Variants in RABGAP1L observed in about 807,000 individuals in gnomAD.
RABGAP1L encodes the protein RAB GTPase activating protein 1 like, also known as rab GTPase-activating protein 1-like.
Under a neutral mutation model 137.7 loss-of-function variants are expected in RABGAP1L, and 63 were observed. The ratio of observed to expected loss-of-function variants is 0.46; its 90% CI spans 0.37 to 0.56. The LOEUF (loss-of-function observed/expected upper bound fraction) is 0.56, where lower values mean the gene tolerates loss of function less well. Ranked by LOEUF, RABGAP1L falls within the 20% of genes least tolerant of loss-of-function variation. The probability of loss-of-function intolerance (pLI) is 0.00; values close to 1 mark genes in which losing one functional copy is unlikely to be tolerated. For missense variants in RABGAP1L, 1,095 were observed against 1,244.0 expected, an observed-to-expected ratio of 0.88 and a Z score of 1.80; for synonymous variants, 431 against 433.7, an observed-to-expected ratio of 0.99 and a Z score of 0.08.
intron 13 of RABGAP1L, among the ~76,000 whole-genome samples, chr1:174,451,347 T>C (rs775102717): frequency 6.6e-6 from 1 of 152,224 alleles, no homozygotes; most frequent in Non-Finnish European, 1.5e-5. Flanking sequence ...GTGGATTCTG[T>C]GTACAGAAAG....
At chr1:174,969,973 C>G (rs1302336062) in intron 21 of RABGAP1L, among the ~76,000 whole-genome samples, 1 of 152,072 alleles carries the variant, frequency 6.6e-6, no homozygotes, top group Non-Finnish European at 1.5e-5. Context: ...TAAAACACTT[C>G]GATAGTATGT....
At chr1:174,349,881 T>C (rs1288108472) in intron 11 of RABGAP1L, among the ~76,000 whole-genome samples, 49 of 103,436 alleles carry the variant, frequency 4.7e-4, no homozygotes, top group Admixed American at 5.8e-4. Flanking sequence ...ACCTCCCTCC[T>C]GGATGGGGCG....
intron 3 of RABGAP1L, among the ~76,000 whole-genome samples, chr1:174,227,514 T>C (rs1458433620): frequency 2.6e-5 from 4 of 152,112 alleles, no homozygotes; most frequent in Non-Finnish European, 5.9e-5. Flanking sequence ...CATTTACCTT[T>C]GATGTAATTT....
At chr1:174,877,381 C>T (rs776171972) in intron 19 of RABGAP1L, 2 of 1,552,534 alleles carry the variant, frequency 1.3e-6, no homozygotes, top group East Asian at 2.4e-5. Context: ...ACTCCACCCC[C>T]TCGAACTCAG....
At chr1:174,178,628 T>C (rs921384803) in intron 1 of RABGAP1L, among the ~76,000 whole-genome samples, 1 of 152,168 alleles carries the variant, frequency 6.6e-6, no homozygotes, top group Non-Finnish European at 1.5e-5. Context: ...GTGGCACATA[T>C]ACACCATGGA....
chr1:174,960,073 C>A lies in RABGAP1L; in HGVS notation c.2433+2524C>A, dbSNP rs1457265681. Among the ~76,000 whole-genome samples, 4 of 152,066 alleles carry A rather than the reference C, an allele frequency of 2.6e-5. 1 individual carries two copies. Among genetic ancestry groups the A allele is most frequent in the African/African-American group, 9.7e-5 (4 of 41,402 alleles). ...TTTGAGGGCATTGAGTGAGAACTTG[C>A]ACCAGTTCAGTAACAACCCCTCCTC... On this transcript the variant is annotated intron_variant, in intron 20 of 25. Transcript: ENST00000681986.
At chr1:174,871,344 A>G (rs1025862659) in intron 19 of RABGAP1L, among the ~76,000 whole-genome samples, 25 of 151,012 alleles carry the variant, frequency 1.7e-4, no homozygotes, top group Non-Finnish European at 2.7e-4. Context: ...ACGTTGGCCA[A>G]GCTGGTCTCG....
At chr1:174,715,546 C>T (rs1379723727) in intron 17 of RABGAP1L, among the ~76,000 whole-genome samples, 1 of 152,220 alleles carries the variant, frequency 6.6e-6, no homozygotes, top group Admixed American at 6.5e-5. Flanking sequence ...CCTTGTCACA[C>T]TATTCTTACC....
chr1:174,215,467 A>AAT (rs570004674), intron 1 of RABGAP1L, among the ~76,000 whole-genome samples: 13 of 150,936 alleles, frequency 8.6e-5, no homozygotes, highest in African/African-American at 3.1e-4. Flanking sequence ...CAAAAAAAAA[A>AAT]AATAATAATA....
intron 19 of RABGAP1L, among the ~76,000 whole-genome samples, chr1:174,854,714 G>GCTTTTTTTTTTTTT: frequency 1.7e-5 from 1 of 58,572 alleles, no homozygotes; most frequent in South Asian, 5.6e-4. Flanking sequence ...CAATATAAAT[G>GCTTTTTTTTTTTTT]CTTTTTTTTT....
At chr1:174,820,369 C>G (rs1209987311) in intron 19 of RABGAP1L, among the ~76,000 whole-genome samples, 1 of 152,042 alleles carries the variant, frequency 6.6e-6, no homozygotes, top group Non-Finnish European at 1.5e-5. Flanking sequence ...TGAATACTCC[C>G]ACCATGGCCA....
At chr1:174,963,898 T>C (rs1336930937) in intron 20 of RABGAP1L, among the ~76,000 whole-genome samples, 2 of 152,148 alleles carry the variant, frequency 1.3e-5, no homozygotes, top group Non-Finnish European at 2.9e-5. Context: ...TAACCTAAGA[T>C]AGTTTTTTAA....
chr1:174,174,721 G>C (rs942292457), intron 1 of RABGAP1L, among the ~76,000 whole-genome samples: 1 of 152,198 alleles, frequency 6.6e-6, no homozygotes, highest in Non-Finnish European at 1.5e-5. Flanking sequence ...TGAGGTCAGA[G>C]GGCAAGAAAG....
chr1:174,867,154 G>A (rs891594502), intron 19 of RABGAP1L, among the ~76,000 whole-genome samples: 5 of 151,962 alleles, frequency 3.3e-5, no homozygotes, highest in East Asian at 3.9e-4. Flanking sequence ...AGGCTGAGGC[G>A]GCCGGATCAC....
At chr1:174,477,727 G>A (rs775994694) in intron 13 of RABGAP1L, among the ~76,000 whole-genome samples, 1 of 152,024 alleles carries the variant, frequency 6.6e-6, no homozygotes, top group African/African-American at 2.4e-5. Context: ...GTGTGAAATG[G>A]TAAAATTATA....
intron 10 of RABGAP1L, among the ~76,000 whole-genome samples, chr1:174,292,743 A>G (rs562335395): frequency 5.3e-4 from 81 of 152,284 alleles, no homozygotes; most frequent in African/African-American, 1.9e-3. Context: ...GGAGTATCCT[A>G]TAAATGTCCA....
rs114473121 is a variant in RABGAP1L at position 174,374,226 on chromosome 1, G to C, written c.1559+3154G>C. ...AGTTATTTGCTGGGGGAAGGCTTAG[G>C]AATTTACATGGACCTCCATGCATCA... On this transcript the variant is annotated intron_variant, in intron 12 of 25. Transcript: ENST00000681986. Among the ~76,000 whole-genome samples, 1,241 of 152,236 alleles carry C rather than the reference G, an allele frequency of 8.2e-3. 14 individuals are homozygous for C. The highest frequency in any genetic ancestry group is 0.029 in the African/African-American group (1,186 of 41,540).
intron 14 of RABGAP1L, among the ~76,000 whole-genome samples, chr1:174,661,737 G>T (rs996614260): frequency 6.6e-6 from 1 of 152,110 alleles, no homozygotes; most frequent in African/African-American, 2.4e-5. Flanking sequence ...CGACATTTCA[G>T]TCAACAATGG....
chr1:174,211,745 C>T (rs999755094), intron 1 of RABGAP1L, among the ~76,000 whole-genome samples: 1 of 152,056 alleles, frequency 6.6e-6, no homozygotes, highest in East Asian at 1.9e-4. Flanking sequence ...CATACTTTAC[C>T]TGTAAAGACA....
Sources: gnomAD v4.1 joint callset for allele counts (sites outside exome capture counted in the v4.1 genomes callset) on GRCh38, gnomAD v4.1.1 for gene constraint, MANE v1.5 for transcripts, NCBI Gene and HGNC (gene_info 2026-07-23, HGNC 2026-07-21) for gene names.